ANKS1B: variants seen among roughly 807,000 people sequenced by gnomAD.
ANKS1B encodes ankyrin repeat and sterile alpha motif domain containing 1B.
ANKS1B carries 36 observed loss-of-function variants against 148.3 expected under a neutral mutation model. The observed-to-expected ratio is 0.24, with a 90% CI of 0.19 to 0.32. The LOEUF (loss-of-function observed/expected upper bound fraction) is 0.32. Among genes scored for constraint, ANKS1B ranks in the 10% least tolerant of loss-of-function variants. The pLI is 1.00. For synonymous variants in ANKS1B, 542 were observed against 560.8 expected, an observed-to-expected ratio of 0.97 and a Z score of 0.47; for missense variants, 1,157 against 1,542.6, an observed-to-expected ratio of 0.75 and a Z score of 4.19.
intron 17 of ANKS1B, among the ~76,000 whole-genome samples, chr12:98,962,643 G>A (rs1259415974): frequency 3.3e-5 from 5 of 152,150 alleles, no homozygotes; most frequent in Admixed American, 2.0e-4. Context: ...CTCAGAGTAC[G>A]CATTCTTCTC....
rs1281773217 is a variant in ANKS1B, at chr12:99,378,665, A to AG, written c.1756+20965_1756+20966insC. 3.7e-4 allele frequency among the ~76,000 whole-genome samples: 56 copies of AG among 151,274 alleles called. 1 individual carries two copies. The highest frequency in any genetic ancestry group is 1.3e-3 in the African/African-American group (53 of 41,314). On this transcript the variant is annotated intron_variant, in intron 12 of 26. Coordinates refer to ENST00000683438, the MANE Select transcript of ANKS1B (RefSeq NM_001352186.2). ...GAGACTCCATCTCAAAAAAAAAAAA[A>AG]AAAAAAAAGAAAAAGAAAAGAAAAA...
intron 14 of ANKS1B, among the ~76,000 whole-genome samples, chr12:99,243,179 A>G (rs1014105295): frequency 6.6e-6 from 1 of 152,242 alleles, no homozygotes; most frequent in African/African-American, 2.4e-5. Flanking sequence ...CAAATTTACA[A>G]GAGAAAAACA....
At chr12:99,587,888 AAGG>A (rs1246034596) in intron 9 of ANKS1B, among the ~76,000 whole-genome samples, 2 of 152,326 alleles carry the variant, frequency 1.3e-5, no homozygotes, top group Non-Finnish European at 2.9e-5. Context: ...TTGAAAGGAT[AAGG>A]AGGAGTATCC....
intron 9 of ANKS1B, among the ~76,000 whole-genome samples, chr12:99,571,227 A>G (rs1450913981): frequency 6.6e-6 from 1 of 152,116 alleles, no homozygotes; most frequent in Non-Finnish European, 1.5e-5. Context: ...ATCTAGCCAA[A>G]CCACACCATT....
intron 9 of ANKS1B, among the ~76,000 whole-genome samples, chr12:99,570,562 G>A (rs2097443296): frequency 6.6e-6 from 1 of 151,848 alleles, no homozygotes; most frequent in African/African-American, 2.4e-5. Context: ...CAGGAAAATG[G>A]CGTGAACCCA....
intron 2 of ANKS1B, among the ~76,000 whole-genome samples, chr12:99,816,066 T>A (rs1221254658): frequency 6.6e-6 from 1 of 151,860 alleles, no homozygotes; most frequent in Non-Finnish European, 1.5e-5. Context: ...CCATACTGTT[T>A]TCTATAGCAG....
At chr12:98,842,008 T>C (rs995576183) in intron 17 of ANKS1B, among the ~76,000 whole-genome samples, 1 of 152,178 alleles carries the variant, frequency 6.6e-6, no homozygotes, top group Non-Finnish European at 1.5e-5. Flanking sequence ...TTGAGGAAAC[T>C]GCCAGTTTCT....
At chr12:98,997,127 T>C (rs1206185557) in intron 17 of ANKS1B, among the ~76,000 whole-genome samples, 1 of 152,154 alleles carries the variant, frequency 6.6e-6, no homozygotes, top group Non-Finnish European at 1.5e-5. Context: ...TATAAAATTT[T>C]ACCCCAAATA....
At chr12:99,353,567 G>A (rs1470777649) in intron 12 of ANKS1B, among the ~76,000 whole-genome samples, 3 of 151,872 alleles carry the variant, frequency 2.0e-5, no homozygotes, top group African/African-American at 4.8e-5. Flanking sequence ...TTATAACTCT[G>A]GTCAATTTAG....
intron 1 of ANKS1B, among the ~76,000 whole-genome samples, chr12:99,928,368 T>C (rs2153805681): frequency 6.6e-6 from 1 of 150,776 alleles, no homozygotes; most frequent in South Asian, 2.1e-4. Flanking sequence ...AAGCTCCGCT[T>C]CCCGGGTTCA....
At position 99,443,773 on chromosome 12, in the gene ANKS1B, G is replaced by T; in HGVS notation, c.1475C>A (p.Thr492Asn). 1 of 1,611,446 alleles carries T rather than the reference G, an allele frequency of 6.2e-7. No individual in the cohort carries two copies. Among genetic ancestry groups the T allele is most frequent in the Non-Finnish European group, 8.5e-7 (1 of 1,178,440 alleles). Residue 492 changes from threonine (T) to asparagine (N), a missense_variant, in exon 11 of 27, where the codon ACT (threonine) becomes AAT (asparagine). By Grantham distance (65) the Thr-to-Asn change is moderately conservative. Around this residue, in one of 6 missense-constraint regions of ANKS1B, gnomAD observed 661 missense variants for 642.1 expected, o/e 1.03. Transcript: ENST00000683438. ...ASEVAVTTPG[T>N]SNHRNSSTGP... ...TGTTGAGCTGTTTCTATGGTTACTAGTTCCTGGAGTAGTAACTGCTACCTC... is the reference window on the plus strand; with the variant it reads ...TGTTGAGCTGTTTCTATGGTTACTATTTCCTGGAGTAGTAACTGCTACCTC...
chr12:99,112,448 A>T (rs1191090862), intron 15 of ANKS1B, among the ~76,000 whole-genome samples: 1 of 151,590 alleles, frequency 6.6e-6, no homozygotes, highest in Non-Finnish European at 1.5e-5. Flanking sequence ...ATAGATGCTT[A>T]TCTCTTTCTC....
intron 12 of ANKS1B, among the ~76,000 whole-genome samples, chr12:99,348,382 C>CA (rs1189824544): frequency 6.6e-6 from 1 of 151,108 alleles, no homozygotes; most frequent in East Asian, 1.9e-4. Flanking sequence ...TAAAAAAAGA[C>CA]AAAAAAATAA....
chr12:98,973,451 G>C (rs1415053573), intron 17 of ANKS1B, among the ~76,000 whole-genome samples: 2 of 152,142 alleles, frequency 1.3e-5, no homozygotes, highest in Non-Finnish European at 2.9e-5. Context: ...GCTTTCTGAA[G>C]TTTCAGTTAC....
intron 10 of ANKS1B, among the ~76,000 whole-genome samples, chr12:99,495,629 A>G (rs779317277): frequency 5.9e-5 from 9 of 152,184 alleles, no homozygotes; most frequent in African/African-American, 9.7e-5. Flanking sequence ...TGCCAAGTAA[A>G]TAATTACTGT....
At chr12:98,813,373 A>T (rs1159515149) in intron 19 of ANKS1B, among the ~76,000 whole-genome samples, 6 of 135,586 alleles carry the variant, frequency 4.4e-5, no homozygotes, top group Admixed American at 7.4e-5. Context: ...CACTTCACCT[A>T]TTTTTTTTTT....
At chr12:99,019,488 TA>T (rs976345350) in intron 17 of ANKS1B, among the ~76,000 whole-genome samples, 22 of 152,246 alleles carry the variant, frequency 1.4e-4, no homozygotes, top group Non-Finnish European at 2.9e-4. Context: ...TTTGAAGAAA[TA>T]AATGATGTGA....
At chr12:99,477,178 T>C (rs1204460161) in intron 10 of ANKS1B, among the ~76,000 whole-genome samples, 1 of 152,110 alleles carries the variant, frequency 6.6e-6, no homozygotes, top group South Asian at 2.1e-4. Flanking sequence ...GTCCAGTCTA[T>C]ACATAAAGGG....
In ANKS1B at chr12:99,867,205, T is replaced by C. The variant is rs71462291; in HGVS notation, c.135-41816A>G. 8.8e-3 allele frequency among the ~76,000 whole-genome samples: 1,335 copies of C among 152,282 alleles called. 8 individuals are homozygous for C. The highest frequency in any genetic ancestry group is 0.016 in the Non-Finnish European group (1,074 of 68,020). The stretch of plus-strand genomic sequence containing the variant: ...TGTTAATATTGCTATTCTTCATCCT[T>C]TCCCTTCCCACGGCACAAACATAGA... On this transcript the variant is annotated intron_variant, in intron 1 of 26. Coordinates refer to ENST00000683438, the MANE Select transcript of ANKS1B (RefSeq NM_001352186.2).
Sources: gnomAD v4.1 joint callset for allele counts (sites outside exome capture counted in the v4.1 genomes callset) on GRCh38, gnomAD v4.1.1 for gene constraint, gnomAD v4.1.1 regional missense constraint, MANE v1.5 for transcripts, NCBI Gene and HGNC (gene_info 2026-07-23, HGNC 2026-07-21) for gene names.